Variants in CARMIL3 observed in about 807,000 individuals in gnomAD.
CARMIL3 encodes the protein capping protein, Arp2/3 and myosin-I linker protein 3.
Under a neutral mutation model 180.8 loss-of-function variants are expected in CARMIL3, and 88 were observed. That is an observed-to-expected ratio of 0.49 (90% CI 0.41 to 0.58). CARMIL3 has a LOEUF of 0.58. CARMIL3 is among the 20% of genes least tolerant of loss of function. The probability of loss-of-function intolerance (pLI) is 0.00; values close to 1 mark genes in which losing one functional copy is unlikely to be tolerated. For missense variants in CARMIL3, 1,548 were observed against 1,787.0 expected (o/e 0.87, Z 2.41); for synonymous variants, 696 against 714.5 (o/e 0.97, Z 0.41).
In CARMIL3 at chr14:24,054,655, G is replaced by A. The variant is rs1231384772; in HGVS notation, c.363-56G>A. ...CCTGGGATGCAGGAGCTATAACGTG[G>A]GAAGAACTGAGAGCCTCTTTCCAGC... On this transcript the variant is annotated intron_variant, in intron 5 of 39. Transcript: ENST00000342740. This position sits in a 1 kb window ranked among gnomAD's most constrained non-coding sequence, Gnocchi z 5.1. The A allele has an allele frequency of 4.5e-6, 7 of 1,564,592 alleles. No individual in the cohort carries two copies. Among genetic ancestry groups the A allele is most frequent in the Non-Finnish European group, 6.1e-6 (7 of 1,140,064 alleles).
Position 24,054,443 on chromosome 14 carries a change from A to G in CARMIL3, c.294A>G (p.Ser98=). 1 of 1,614,138 alleles carries G rather than the reference A, an allele frequency of 6.2e-7. No homozygotes were observed. The highest frequency in any genetic ancestry group is 1.1e-5 in the South Asian group (1 of 91,082). ...GCATGGTGAGCATGCGACTGCCATC[A>G]GCTGAAAGTGTGGACCAGGTGACAC... ...ERGMVSMRLP[S]AESVDQVTRH... is the part of the protein sequence containing the mutation. The change falls in exon 5 of 40, where the codon TCA becomes TCG. Residue 98 remains serine, a synonymous_variant. Transcript: ENST00000342740. The surrounding 1 kb of genome is among the most constrained non-coding windows in gnomAD (Gnocchi z 5.1).
intron 24 of CARMIL3, 24 bp downstream of exon 24, chr14:24,060,279 G>A (rs764028913): frequency 1.8e-5 from 29 of 1,612,534 alleles, no homozygotes; most frequent in East Asian, 2.2e-5. Flanking sequence ...TCTGGGACAC[G>A]GGGCATACCC....
chr14:24,055,828 G>A, intron 10 of CARMIL3, 39 bp downstream of exon 10: 2 of 1,583,086 alleles, frequency 1.3e-6, no homozygotes, highest in African/African-American at 1.3e-5. Flanking sequence ...GTGCACCCTT[G>A]ATGTAGTTTT....
Position 24,059,979 on chromosome 14 carries a change from G to A in CARMIL3, c.1878G>A (p.Thr626=), listed in dbSNP as rs200390827. ...CCCCTGTGTCCCACAGCAACCACACGCTGCGCTTCATGTCCTTCCCCGTGA... is the reference window on the plus strand; with the variant it reads ...CCCCTGTGTCCCACAGCAACCACACACTGCGCTTCATGTCCTTCCCCGTGA... ...DIARALESNH[T]LRFMSFPVSD... Residue 626 remains threonine, a synonymous_variant, in exon 23 of 40, where the codon ACG becomes ACA. Transcript: ENST00000342740. This position sits in a 1 kb window ranked among gnomAD's most constrained non-coding sequence, Gnocchi z 6.3. 37 of 1,613,894 alleles carry A rather than the reference G, an allele frequency of 2.3e-5. No individual in the cohort carries two copies. The highest frequency in any genetic ancestry group is 1.7e-4 in the Middle Eastern group (1 of 6,060).
rs2035688321 is a variant in CARMIL3, at chr14:24,057,890, A to AG, written c.1217+16dup. On this transcript the variant is annotated intron_variant, in intron 15 of 39. Coordinates refer to ENST00000342740, the MANE Select transcript of CARMIL3 (RefSeq NM_138360.4). ...CAGCTGCTCCCACAGGTGGGAGAGG[A>AG]GGGGGAAGGGAGGACAGGGCAAGAC... 1 of 1,612,550 alleles carries AG rather than the reference A, an allele frequency of 6.2e-7. No homozygotes were observed. Among genetic ancestry groups the AG allele is most frequent in the Admixed American group, 1.7e-5 (1 of 59,958 alleles).
chr14:24,065,464 T>G (rs1176902460), intron 33 of CARMIL3, 158 bp from the exon 34 acceptor site: 1 of 1,157,826 alleles, frequency 8.6e-7, no homozygotes, highest in Non-Finnish European at 1.2e-6. Flanking sequence ...GAGTGCTATA[T>G]GCGAATGCAG....
intron 14 of CARMIL3, 44 bp from the exon 15 acceptor site, chr14:24,057,758 AC>A (rs1566539594): frequency 2.0e-6 from 3 of 1,523,462 alleles, no homozygotes; most frequent in Non-Finnish European, 2.7e-6. Context: ...GCCACCCCCT[AC>A]CCCCTTCCAG....
chr14:24,061,992 G>A lies in CARMIL3; in HGVS notation c.2480+320G>A. Reference sequence around the variant, plus strand: ...AGAAAAGTACCTGAGTTGGGTGCATGGAAGCACTGTCTTCCTCCCAGTTTT... The same window carrying A: ...AGAAAAGTACCTGAGTTGGGTGCATAGAAGCACTGTCTTCCTCCCAGTTTT... On this transcript the variant is annotated intron_variant, in intron 27 of 39. Coordinates refer to ENST00000342740, the MANE Select transcript of CARMIL3 (RefSeq NM_138360.4). This position sits in a 1 kb window ranked among gnomAD's most constrained non-coding sequence, Gnocchi z 4.1. 1 of 349,424 alleles carries A rather than the reference G, an allele frequency of 2.9e-6. No individual in the cohort carries two copies. Among genetic ancestry groups the A allele is most frequent in the Non-Finnish European group, 5.2e-6 (1 of 190,682 alleles). The allele number at this position is 349,424 out of a possible 1,614,324, so 21.6% of individuals were successfully genotyped here. A position where few individuals can be genotyped will look rare whatever the true frequency, so the allele number is the denominator to read the frequency against.
chr14:24,053,654 G>A (rs2035640698), intron 1 of CARMIL3, 55 bp from the exon 2 acceptor site: 2 of 1,349,216 alleles, frequency 1.5e-6, no homozygotes, highest in South Asian at 1.3e-5. Flanking sequence ...AGCTCTGGGA[G>A]GTGGGGGTGG....
Position 24,068,838 on chromosome 14 carries a change from G to C in CARMIL3, c.3854G>C (p.Arg1285Thr). The C allele has an allele frequency of 6.2e-7, 1 of 1,613,586 alleles. No individual in the cohort carries two copies. Among genetic ancestry groups the C allele is most frequent in the South Asian group, 1.1e-5 (1 of 91,056 alleles). Residue 1285 changes from arginine to threonine, a missense_variant, in exon 38 of 40, where the codon AGG becomes ACG. Transcript: ENST00000342740. ...PWPPKPVAVP[R>T]GRQPPQEPGV... ...CCTCCCAAGCCAGTGGCTGTGCCCA[G>C]GGGCCGCCAGCCTCCCCAGGAGCCA...
rs566439997 is a variant in CARMIL3, at chr14:24,067,251, C to T, written c.3682+595C>T. On this transcript the variant is annotated intron_variant, in intron 36 of 39. Transcript: ENST00000342740. ...GGAGGAGTAAAAGGGAGGGGATTAT[C>T]CCAGGCATGACACTTCCTTTCTGCT... Among the ~76,000 whole-genome samples, 10 of 152,350 alleles carry T rather than the reference C, an allele frequency of 6.6e-5. 1 individual carries two copies. The Middle Eastern group carries it at 0.01, about 155-fold the overall frequency.
chr14:24,055,237 G>A lies in CARMIL3; in HGVS notation c.532G>A (p.Asp178Asn). Residue 178 changes from aspartate to asparagine, a missense_variant and splice_region_variant, in exon 8 of 40, where the codon GAT (aspartate) becomes AAT (asparagine). Physicochemically the swap from Asp to Asn is conservative, Grantham distance 23. Around this residue, in one of 4 missense-constraint regions of CARMIL3, gnomAD observed 578 missense variants for 666.5 expected, o/e 0.87. Transcript: ENST00000342740. ...TGTGAGCCAGTTCCACCTCTCCAAG[G>A]ATGTGGACACCATCTACCATGCTGA... The part of the protein sequence containing the change: ...GLHCREEVQW[D>N]VDTIYHAEDN... 6.2e-7 allele frequency: 1 copy of A among 1,614,136 alleles called. No homozygotes were observed. Among genetic ancestry groups the A allele is most frequent in the East Asian group, 2.2e-5 (1 of 44,878 alleles).
intron 31 of CARMIL3, 27 bp from the exon 32 acceptor site, chr14:24,064,219 T>G (rs1294839510): frequency 6.4e-7 from 1 of 1,563,074 alleles, no homozygotes; most frequent in Admixed American, 1.7e-5. Context: ...CTAGATGAGA[T>G]GTCCCACGGG....
In CARMIL3 at chr14:24,059,856, C is replaced by A; in HGVS notation, c.1869-114C>A. 10 of 1,522,562 alleles carry A rather than the reference C, an allele frequency of 6.6e-6. No homozygotes were observed. The highest frequency in any genetic ancestry group is 7.3e-6 in the Non-Finnish European group (8 of 1,099,648). The allele number at this position is 1,522,562 out of a possible 1,614,324, so 94.3% of individuals were successfully genotyped here. On this transcript the variant is annotated intron_variant, in intron 22 of 39. Transcript: ENST00000342740. This position sits in a 1 kb window ranked among gnomAD's most constrained non-coding sequence, Gnocchi z 6.3. Reference sequence around the variant, plus strand: ...ATTTGCACAGAAATTTTAGGAAGGGCCATGGAAGACAGAAATGATGAGCAA... The same window carrying A: ...ATTTGCACAGAAATTTTAGGAAGGGACATGGAAGACAGAAATGATGAGCAA...
chr14:24,052,814 T>C (rs1322191278), intron 1 of CARMIL3, among the ~76,000 whole-genome samples: 1 of 152,028 alleles, frequency 6.6e-6, no homozygotes, highest in Admixed American at 6.5e-5. Flanking sequence ...CACCCACACA[T>C]CAAGGCTTCT....
Position 24,056,242 on chromosome 14 carries a change from C to T in CARMIL3, c.771-57C>T. 2.1e-6 allele frequency: 3 copies of T among 1,456,360 alleles called. No individual in the cohort carries two copies. In the South Asian group the frequency reaches 3.7e-5, roughly 18 times the overall value. 90.2% of individuals were successfully genotyped at this position (1,456,360 alleles called of 1,614,324 possible). On this transcript the variant is annotated intron_variant, in intron 10 of 39. Coordinates refer to ENST00000342740, the MANE Select transcript of CARMIL3 (RefSeq NM_138360.4). ...GTCAGGTAGAGGAGGAGGGGAAGCC[C>T]AGAGGCTGGGACCTGGGGCTCAGCT...
At chr14:24,062,344 C>A in intron 27 of CARMIL3, 136 bp from the exon 28 acceptor site, 1 of 804,548 alleles carries the variant, frequency 1.2e-6, no homozygotes, top group South Asian at 1.4e-5. Flanking sequence ...CCTCCTTCAG[C>A]AGCCACATGC....
At chr14:24,056,164 C>A in intron 10 of CARMIL3, 135 bp from the exon 11 acceptor site, 1 of 687,224 alleles carries the variant, frequency 1.5e-6, no homozygotes, top group Non-Finnish European at 2.5e-6. Context: ...CTGGCAGGCC[C>A]TGAGCTGTTC....
In CARMIL3 at chr14:24,058,903, C is replaced by A; in HGVS notation, c.1488C>A (p.Asp496Glu). The change falls in exon 19 of 40, where the codon GAC becomes GAA. Residue 496 changes from aspartate to glutamate, a missense_variant. This residue lies in a region of CARMIL3 where 578 missense variants were observed against 666.5 expected (regional missense o/e 0.87). Coordinates refer to ENST00000342740, the MANE Select transcript of CARMIL3 (RefSeq NM_138360.4). The surrounding 1 kb of genome is among the most constrained non-coding windows in gnomAD (Gnocchi z 6.4). ...TCTGCTCACCAGGGTTCGACTCGGA[C>A]CTCCTGACACTGGTGCCTGCACTTG... ...LDLSDNGFDS[D>E]LLTLVPALGK... The A allele has an allele frequency of 1.9e-6, 3 of 1,614,234 alleles. No individual in the cohort carries two copies. The highest frequency in any genetic ancestry group is 2.5e-6 in the Non-Finnish European group (3 of 1,180,044).
Sources: gnomAD v4.1 joint callset for allele counts (sites outside exome capture counted in the v4.1 genomes callset) on GRCh38, gnomAD v4.1.1 for gene constraint, gnomAD v4.1.1 regional missense constraint, Gnocchi (gnomAD v3.1) non-coding constraint, MANE v1.5 for transcripts, NCBI Gene and HGNC (gene_info 2026-07-23, HGNC 2026-07-21) for gene names.